OR8S1: variants seen among roughly 807,000 people sequenced by gnomAD.
The protein encoded by OR8S1 is olfactory receptor 8S1.
For synonymous variants in OR8S1, 150 were observed against 151.4 expected (o/e 0.99, Z 0.07); for missense variants, 362 against 372.1 (o/e 0.97, Z 0.22).
At position 48,525,896 on chromosome 12, in the gene OR8S1, AG is replaced by A. The variant is rs768902840; in HGVS notation, c.267del (p.Thr91ProfsTer4). The A allele has an allele frequency of 4.3e-6, 7 of 1,614,184 alleles. No individual in the cohort carries two copies. The South Asian group carries it at 6.6e-5, about 15-fold the overall frequency. On this transcript the variant is annotated frameshift_variant, in exon 1 of 1. Transcript: ENST00000641651. LOFTEE classifies it low-confidence loss of function (END_TRUNC). ...GATGCTGGAGAACCTCCTGTCACAG[AG>A]GAAAACCATTTCAGTAGAGGGCTGC...
chr12:48,525,738 T>A (rs1938211924), exon 1 of OR8S1: 14 of 1,614,048 alleles, frequency 8.7e-6, no homozygotes, highest in Non-Finnish European at 1.2e-5. Context: ...GGGATTTACC[T>A]CCTGACCATA....
At chr12:48,525,948 T>A (rs916900175) in exon 1 of OR8S1, 1 of 1,614,084 alleles carries the variant, frequency 6.2e-7, no homozygotes, top group African/African-American at 1.3e-5. Context: ...TTTGTGTTTG[T>A]CACTGCAGGG....
chr12:48,526,331 A>G (rs139735536), exon 1 of OR8S1: 3 of 1,614,056 alleles, frequency 1.9e-6, no homozygotes, highest in Non-Finnish European at 2.5e-6. Flanking sequence ...TACCTCGGGC[A>G]GAAGCAAGGC....
chr12:48,525,775 G>T, exon 1 of OR8S1: 1 of 1,614,124 alleles, frequency 6.2e-7, no homozygotes, highest in Non-Finnish European at 8.5e-7. Flanking sequence ...TGCTGCTCAT[G>T]ATCAGGGCTG....
At chr12:48,525,953 G>A in exon 1 of OR8S1, 1 of 1,614,190 alleles carries the variant, frequency 6.2e-7, no homozygotes, top group Non-Finnish European at 8.5e-7. Context: ...GTTTGTCACT[G>A]CAGGGACTGA....
At chr12:48,526,319 T>A in exon 1 of OR8S1, 1 of 1,614,090 alleles carries the variant, frequency 6.2e-7, no homozygotes, top group African/African-American at 1.3e-5. Context: ...AAGCATCAGC[T>A]CTACCTCGGG....
At chr12:48,526,538 T>G (rs1298632178) in exon 1 of OR8S1, 2 of 1,588,494 alleles carry the variant, frequency 1.3e-6, no homozygotes, top group Non-Finnish European at 1.7e-6. Flanking sequence ...GAAAAGAACT[T>G]TGGAAAAATA....
At chr12:48,526,334 A>C in exon 1 of OR8S1, 1 of 1,614,146 alleles carries the variant, frequency 6.2e-7, no homozygotes, top group Non-Finnish European at 8.5e-7. Flanking sequence ...CTCGGGCAGA[A>C]GCAAGGCCTT....
At chr12:48,525,997 C>T in exon 1 of OR8S1, 1 of 1,614,204 alleles carries the variant, frequency 6.2e-7, no homozygotes, top group Non-Finnish European at 8.5e-7. Context: ...CCTATGACCG[C>T]CATGCTGCCA....
At chr12:48,526,206 T>C in exon 1 of OR8S1, 6 of 1,614,132 alleles carry the variant, frequency 3.7e-6, no homozygotes, top group South Asian at 1.1e-5. Flanking sequence ...TGCTCTGATA[T>C]CTCCAGAAGC....
At chr12:48,525,697 C>T (rs370876617) in exon 1 of OR8S1, 1 of 1,614,060 alleles carries the variant, frequency 6.2e-7, no homozygotes, top group African/African-American at 1.3e-5. Context: ...CCGACCCCAA[C>T]ATCCGGGCTC....
exon 1 of OR8S1, chr12:48,526,327 G>T (rs146400326): frequency 3.1e-6 from 5 of 1,613,876 alleles, no homozygotes; most frequent in Non-Finnish European, 4.2e-6. Context: ...GCTCTACCTC[G>T]GGCAGAAGCA....
chr12:48,526,317 G>C (rs765687114), exon 1 of OR8S1: 1 of 1,614,052 alleles, frequency 6.2e-7, no homozygotes, highest in East Asian at 2.2e-5. Flanking sequence ...CTAAGCATCA[G>C]CTCTACCTCG....
At chr12:48,525,964 A>G in exon 1 of OR8S1, 1 of 1,614,142 alleles carries the variant, frequency 6.2e-7, no homozygotes, top group Non-Finnish European at 8.5e-7. Flanking sequence ...CAGGGACTGA[A>G]GCCTGCCTTC....
exon 1 of OR8S1, chr12:48,526,203 A>G (rs372177223): frequency 3.3e-5 from 54 of 1,613,982 alleles, no homozygotes; most frequent in Admixed American, 6.7e-5. Flanking sequence ...TCCTGCTCTG[A>G]TATCTCCAGA....
chr12:48,526,477 G>A, exon 1 of OR8S1: 1 of 1,611,550 alleles, frequency 6.2e-7, no homozygotes, highest in Non-Finnish European at 8.5e-7. Context: ...TCACTCCCAT[G>A]CTGAATTCCC....
exon 1 of OR8S1, chr12:48,526,521 T>C: frequency 6.3e-7 from 1 of 1,598,026 alleles, no homozygotes; most frequent in Non-Finnish European, 8.5e-7. Flanking sequence ...GAAGTGAAGG[T>C]AGCTCTGAAA....
Position 48,526,478 on chromosome 12 carries a change from C to G in OR8S1, c.847C>G (p.Leu283Val), listed in dbSNP as rs59116841. Residue 283 changes from leucine to valine, a missense_variant, in exon 1 of 1, where the codon CTG (leucine) becomes GTG (valine). Physicochemically the swap from Leu to Val is conservative, Grantham distance 32 (BLOSUM62 1). Coordinates refer to ENST00000641651, the Ensembl canonical transcript of OR8S1. ...GCAGTATACTGTAGTCACTCCCATG[C>G]TGAATTCCCTCATCTATAGCCTGAA... The G allele has an allele frequency of 7.9e-4, 1,278 of 1,611,372 alleles. 12 individuals carry two copies. In the African/African-American group the frequency reaches 0.015, roughly 19 times the overall value.
Position 48,525,903 on chromosome 12 carries a change from CCATTTCAG to C in OR8S1, c.273_280del (p.Ile92ArgfsTer17). 6.2e-7 allele frequency: 1 copy of C among 1,614,184 alleles called. No homozygotes were observed. The highest frequency in any genetic ancestry group is 8.5e-7 in the Non-Finnish European group (1 of 1,180,022). On this transcript the variant is annotated frameshift_variant, in exon 1 of 1. Coordinates refer to ENST00000641651, the Ensembl canonical transcript of OR8S1. LOFTEE classifies it low-confidence loss of function (END_TRUNC). The stretch of plus-strand genomic sequence containing the variant: ...GAGAACCTCCTGTCACAGAGGAAAA[CCATTTCAG>C]TAGAGGGCTGCCTGGCTCAGGTCTT...
Sources: gnomAD v4.1 joint callset for allele counts on GRCh38, gnomAD v4.1.1 for gene constraint, MANE v1.5 for transcripts, NCBI Gene and HGNC (gene_info 2026-07-23, HGNC 2026-07-21) for gene names.